Variants in ADAMTS16 observed in about 807,000 individuals in gnomAD.
ADAMTS16 encodes the protein A disintegrin and metalloproteinase with thrombospondin motifs 16.
A neutral mutation model predicts 145.8 loss-of-function variants in ADAMTS16; 94 were observed. The ratio of observed to expected loss-of-function variants is 0.64; its 90% CI spans 0.55 to 0.77. The LOEUF is 0.77. Ranked by LOEUF, ADAMTS16 falls within the 30% of genes least tolerant of loss-of-function variation. The probability of loss-of-function intolerance (pLI) is 0.00; values close to 1 mark genes in which losing one functional copy is unlikely to be tolerated. For synonymous variants in ADAMTS16, 659 were observed against 604.3 expected (o/e 1.09, Z -1.33); for missense variants, 1,585 against 1,591.5 (o/e 1.00, Z 0.07).
At chr5:5,152,624 C>A (rs1238130962) in intron 3 of ADAMTS16, among the ~76,000 whole-genome samples, 1 of 152,190 alleles carries the variant, frequency 6.6e-6, no homozygotes, top group African/African-American at 2.4e-5. Context: ...ATCTTCTTGG[C>A]TACACATGCC....
chr5:5,275,691 ATTTAT>A (rs1219033465), intron 18 of ADAMTS16, among the ~76,000 whole-genome samples: 17 of 152,052 alleles, frequency 1.1e-4, no homozygotes, highest in Admixed American at 9.8e-4. Flanking sequence ...CCAATTTATG[ATTTAT>A]TTTGTCTGAA....
intron 4 of ADAMTS16, among the ~76,000 whole-genome samples, chr5:5,185,184 A>G (rs1042252344): frequency 2.6e-5 from 4 of 152,136 alleles, no homozygotes; most frequent in African/African-American, 9.7e-5. Context: ...TAATTTTGGA[A>G]GTATGTTAGC....
At chr5:5,237,288 A>G (rs1052721263) in intron 14 of ADAMTS16, among the ~76,000 whole-genome samples, 189 bp downstream of exon 14, 1 of 152,180 alleles carries the variant, frequency 6.6e-6, no homozygotes, top group Non-Finnish European at 1.5e-5. Flanking sequence ...GTGTGTGCAG[A>G]GCATAAGGAG....
At chr5:5,175,238 C>T (rs1344229049) in intron 3 of ADAMTS16, among the ~76,000 whole-genome samples, 5 of 152,142 alleles carry the variant, frequency 3.3e-5, no homozygotes, top group Non-Finnish European at 1.5e-5. Context: ...CCTGACAGGA[C>T]TGGGTCATTC....
intron 18 of ADAMTS16, among the ~76,000 whole-genome samples, chr5:5,279,792 T>C (rs1246837680): frequency 6.6e-6 from 1 of 152,058 alleles, no homozygotes; most frequent in African/African-American, 2.4e-5. Flanking sequence ...TTTTATTTTT[T>C]GGTCTTTGTT....
intron 17 of ADAMTS16, among the ~76,000 whole-genome samples, chr5:5,253,316 G>A (rs1392291837): frequency 1.3e-5 from 2 of 152,172 alleles, no homozygotes; most frequent in Non-Finnish European, 2.9e-5. Flanking sequence ...CGGTAAGGCG[G>A]GACAACTCAG....
intron 18 of ADAMTS16, among the ~76,000 whole-genome samples, chr5:5,270,557 T>G (rs987692551): frequency 2.0e-5 from 3 of 152,214 alleles, no homozygotes; most frequent in African/African-American, 7.2e-5. Context: ...ACAACAGTTA[T>G]GAATTTAGTC....
intron 11 of ADAMTS16, among the ~76,000 whole-genome samples, chr5:5,228,430 A>C (rs1031088746): frequency 3.3e-5 from 5 of 152,316 alleles, no homozygotes; most frequent in Non-Finnish European, 7.4e-5. Flanking sequence ...AAAATCAAAG[A>C]AGCTAAGTAA....
chr5:5,144,367 A>G (rs1464584530), intron 2 of ADAMTS16, among the ~76,000 whole-genome samples: 1 of 152,176 alleles, frequency 6.6e-6, no homozygotes. Context: ...AAAGCTCATT[A>G]TTTGATCAAC....
At chr5:5,302,527 C>T (rs1028848251) in intron 18 of ADAMTS16, among the ~76,000 whole-genome samples, 2 of 152,146 alleles carry the variant, frequency 1.3e-5, no homozygotes, top group Non-Finnish European at 2.9e-5. Context: ...TCCAAGAATC[C>T]TGTAACCAGC....
Position 5,186,116 on chromosome 5 carries a change from G to C in ADAMTS16, c.828G>C (p.Arg276=). ...ILPDEYKSCL[R]HKRSLLRSHR... is the part of the protein sequence containing the mutation. ...CAGATGAGTATAAGTCTTGCTTACG[G>C]CATAAGCGCTCTCTTCTGAGGTCCC... The change falls in exon 5 of 23, where the codon CGG becomes CGC. Residue 276 remains arginine, a synonymous_variant. Coordinates refer to ENST00000274181, the MANE Select transcript of ADAMTS16 (RefSeq NM_139056.4). 6.2e-7 allele frequency: 1 copy of C among 1,614,040 alleles called. No individual in the cohort carries two copies. The highest frequency in any genetic ancestry group is 1.1e-5 in the South Asian group (1 of 91,074).
Position 5,282,999 on chromosome 5 carries a change from T to A in ADAMTS16, c.2789+20216T>A, listed in dbSNP as rs1738978734. On this transcript the variant is annotated intron_variant, in intron 18 of 22. Transcript: ENST00000274181. ...TATTTTTATAGAGTAAAACATTCATTGTGTAATCAGATCCTAAAATTTTAT... is the reference window on the plus strand; with the variant it reads ...TATTTTTATAGAGTAAAACATTCATAGTGTAATCAGATCCTAAAATTTTAT... 3.3e-5 allele frequency among the ~76,000 whole-genome samples: 5 copies of A among 152,142 alleles called. No individual in the cohort carries two copies. The South Asian group carries it at 8.3e-4, about 25-fold the overall frequency.
chr5:5,160,509 C>G (rs1734713432), intron 3 of ADAMTS16, among the ~76,000 whole-genome samples: 1 of 152,120 alleles, frequency 6.6e-6, no homozygotes, highest in Non-Finnish European at 1.5e-5. Flanking sequence ...ACCAGAGCTA[C>G]TTCGTTTATA....
At chr5:5,222,724 A>G in intron 10 of ADAMTS16, 65 bp from the exon 11 acceptor site, 3 of 1,335,842 alleles carry the variant, frequency 2.2e-6, no homozygotes, top group Non-Finnish European at 3.2e-6. Context: ...TCTCAGTGAT[A>G]TTTTTATTAT....
intron 10 of ADAMTS16, among the ~76,000 whole-genome samples, chr5:5,220,724 C>G (rs73735751): frequency 0.018 from 2,747 of 152,130 alleles, 87 homozygotes; most frequent in African/African-American, 0.061. Context: ...AGGACAAGTC[C>G]ACGATTAGAC....
intron 8 of ADAMTS16, among the ~76,000 whole-genome samples, chr5:5,192,243 G>A: frequency 6.6e-6 from 1 of 152,102 alleles, no homozygotes. Context: ...CCATGTCCCT[G>A]GGTCTTTCTC....
intron 9 of ADAMTS16, among the ~76,000 whole-genome samples, chr5:5,206,746 T>C (rs944313797): frequency 1.3e-5 from 2 of 152,092 alleles, no homozygotes; most frequent in African/African-American, 4.8e-5. Flanking sequence ...CCTCCCTAAG[T>C]GCTGGGATTA....
chr5:5,200,845 C>A (rs73735743), intron 9 of ADAMTS16, among the ~76,000 whole-genome samples: 2,903 of 152,172 alleles, frequency 0.019, 109 homozygotes, highest in African/African-American at 0.067. Flanking sequence ...GAAATTTTCT[C>A]TAAGCACTAA....
chr5:5,186,099 T>G lies in ADAMTS16; in HGVS notation c.811T>G (p.Tyr271Asp). The change falls in exon 5 of 23, where the codon TAT becomes GAT. Residue 271 changes from tyrosine to aspartate, a missense_variant. Physicochemically the swap from Tyr to Asp is radical, Grantham distance 160. Transcript: ENST00000274181. ...KEDLFILPDE[Y>D]KSCLRHKRSL... is the part of the protein sequence containing the mutation. ...AGACCTCTTCATCTTGCCAGATGAG[T>G]ATAAGTCTTGCTTACGGCATAAGCG... 1.2e-6 allele frequency: 2 copies of G among 1,613,980 alleles called. No individual in the cohort carries two copies. The highest frequency in any genetic ancestry group is 1.7e-6 in the Non-Finnish European group (2 of 1,180,018).
Sources: gnomAD v4.1 joint callset for allele counts (sites outside exome capture counted in the v4.1 genomes callset) on GRCh38, gnomAD v4.1.1 for gene constraint, MANE v1.5 for transcripts, NCBI Gene and HGNC (gene_info 2026-07-23, HGNC 2026-07-21) for gene names.